Variants in EPHA7 observed in about 807,000 individuals in gnomAD.
EPHA7 encodes the protein EPH receptor A7.
In EPHA7, 25 loss-of-function variants were observed where a neutral mutation model predicts 112.6. That is an observed-to-expected ratio of 0.22 (90% CI 0.16 to 0.31). The LOEUF (loss-of-function observed/expected upper bound fraction) is 0.31. Ranked by LOEUF, EPHA7 falls within the 10% of genes least tolerant of loss-of-function variation. The pLI is 1.00. For missense variants in EPHA7, 962 were observed against 1,212.6 expected (o/e 0.79, Z 3.07); for synonymous variants, 437 against 406.5 (o/e 1.07, Z -0.90).
intron 1 of EPHA7, among the ~76,000 whole-genome samples, chr6:93,416,436 T>G (rs1779230126): frequency 6.6e-6 from 1 of 152,192 alleles, no homozygotes; most frequent in African/African-American, 2.4e-5. Context: ...GATTACTGTT[T>G]ATTGCCATTC....
intron 3 of EPHA7, among the ~76,000 whole-genome samples, chr6:93,403,844 T>G (rs1279405227): frequency 4.6e-5 from 7 of 151,946 alleles, no homozygotes; most frequent in Admixed American, 4.6e-4. Flanking sequence ...GTAACCAACA[T>G]CAGAATTTGA....
chr6:93,356,343 G>A (rs1262228305), intron 5 of EPHA7, among the ~76,000 whole-genome samples: 1 of 152,004 alleles, frequency 6.6e-6, no homozygotes, highest in African/African-American at 2.4e-5. Context: ...AAGTAACTGG[G>A]ACTACAGGTG....
In EPHA7 at chr6:93,245,253, GTACCTAATAAATCCTTAAA is replaced by G. The variant is rs527243861; in HGVS notation, c.2882+26_2882+44del. 9.0e-4 allele frequency: 1,390 copies of G among 1,543,018 alleles called. 5 individuals are homozygous for G. In the African/African-American group the frequency reaches 0.016, roughly 17 times the overall value. On this transcript the variant is annotated intron_variant, in intron 16 of 16. Transcript: ENST00000369303. ...TAACCTAATGTATAAAGTGTAGATT[GTACCTAATAAATCCTTAAA>G]TACAATTTTAAGAGTTTAAGCTTAC...
At chr6:93,320,762 T>G (rs2127883335) in intron 5 of EPHA7, among the ~76,000 whole-genome samples, 1 of 152,076 alleles carries the variant, frequency 6.6e-6, no homozygotes, top group East Asian at 1.9e-4. Flanking sequence ...TATTTAAAGC[T>G]TACACAGCTT....
chr6:93,309,203 C>T (rs1348338645), intron 5 of EPHA7, among the ~76,000 whole-genome samples: 1 of 152,202 alleles, frequency 6.6e-6, no homozygotes, highest in Non-Finnish European at 1.5e-5. Context: ...CCCGCCTTAG[C>T]CTCCCAAAGG....
chr6:93,320,412 T>C (rs1052715223), intron 5 of EPHA7, among the ~76,000 whole-genome samples: 3 of 152,076 alleles, frequency 2.0e-5, no homozygotes, highest in African/African-American at 4.8e-5. Flanking sequence ...TACATTACAA[T>C]GATAGGCAAA....
intron 5 of EPHA7, among the ~76,000 whole-genome samples, chr6:93,294,976 A>G (rs376461071): frequency 1.7e-4 from 26 of 152,120 alleles, no homozygotes; most frequent in African/African-American, 6.0e-4. Flanking sequence ...TCTAAGAAAA[A>G]TTTCCAAATC....
In EPHA7 at chr6:93,256,070, C is replaced by T. The variant is rs762838012; in HGVS notation, c.2173-33G>A. On this transcript the variant is annotated intron_variant, in intron 12 of 16. Transcript: ENST00000369303. The stretch of plus-strand genomic sequence containing the variant: ...AAGACAAAAATAAAAGCCCAGTTAA[C>T]TGCATACTTTAAAAGGGACAAAAAT... The T allele has an allele frequency of 2.5e-6, 4 of 1,595,924 alleles. No individual in the cohort carries two copies. In the South Asian group the frequency reaches 4.4e-5, roughly 18 times the overall value.
intron 5 of EPHA7, among the ~76,000 whole-genome samples, chr6:93,317,938 C>CT (rs1310449560): frequency 3.9e-5 from 6 of 152,152 alleles, no homozygotes; most frequent in African/African-American, 1.4e-4. Context: ...GTAATCATAA[C>CT]TTTCATTCTC....
In EPHA7 at chr6:93,377,118, C is replaced by G. The variant is rs148919529; in HGVS notation, c.833-18707G>C. Among the ~76,000 whole-genome samples the G allele has an allele frequency of 7.2e-3, 1,103 of 152,246 alleles. 16 individuals carry two copies. Among genetic ancestry groups the G allele is most frequent in the African/African-American group, 0.023 (964 of 41,548 alleles). ...GAAGGTGATTCTGCCCTGTAGGAAA[C>G]ATTTGCCAATATCTGCAGACACTTT... On this transcript the variant is annotated intron_variant, in intron 3 of 16. Coordinates refer to ENST00000369303, the MANE Select transcript of EPHA7 (RefSeq NM_004440.4).
In EPHA7 at chr6:93,309,238, C is replaced by T. The variant is rs183905449; in HGVS notation, c.1325-36816G>A. ...GGCTGGGATTGCAGGCGTGAGCCAC[C>T]GCACCCAGCCTCAAACATCTTTTAA... is the stretch of plus-strand genomic sequence containing the variant. On this transcript the variant is annotated intron_variant, in intron 5 of 16. Transcript: ENST00000369303. 3.8e-4 allele frequency among the ~76,000 whole-genome samples: 58 copies of T among 152,322 alleles called. 1 individual carries two copies. The highest frequency in any genetic ancestry group is 1.3e-3 in the African/African-American group (53 of 41,576).
intron 5 of EPHA7, among the ~76,000 whole-genome samples, chr6:93,349,391 C>G (rs1775573410): frequency 1.3e-5 from 2 of 151,852 alleles, no homozygotes; most frequent in Admixed American, 6.6e-5. Context: ...AAATCCTGCA[C>G]TTTCGGATAC....
intron 5 of EPHA7, among the ~76,000 whole-genome samples, chr6:93,282,634 G>C (rs1028108331): frequency 6.6e-6 from 1 of 152,158 alleles, no homozygotes; most frequent in Non-Finnish European, 1.5e-5. Context: ...TTCAGCTTGC[G>C]GGGAGGTGTG....
chr6:93,349,478 T>C (rs1028725646), intron 5 of EPHA7, among the ~76,000 whole-genome samples: 1 of 151,912 alleles, frequency 6.6e-6, no homozygotes, highest in Non-Finnish European at 1.5e-5. Flanking sequence ...ATTTATTCGA[T>C]TGATTCTCTG....
intron 5 of EPHA7, among the ~76,000 whole-genome samples, chr6:93,306,774 C>T (rs1357828684): frequency 6.6e-6 from 1 of 151,926 alleles, no homozygotes; most frequent in African/African-American, 2.4e-5. Flanking sequence ...AGACAATCAT[C>T]CCTCAGTTTT....
At chr6:93,267,038 G>T (rs1303040716) in intron 7 of EPHA7, among the ~76,000 whole-genome samples, 1 of 151,704 alleles carries the variant, frequency 6.6e-6, no homozygotes, top group South Asian at 2.1e-4. Context: ...ATGCAGTTAA[G>T]ATTTTCAGAA....
chr6:93,340,237 A>C lies in EPHA7; in HGVS notation c.1324+16480T>G, dbSNP rs984280170. Reference sequence around the variant, plus strand: ...GTGTATATGTGTATGTGCATACATAAACTTTACTACAGAATTCACAATAGT... The same window carrying C: ...GTGTATATGTGTATGTGCATACATACACTTTACTACAGAATTCACAATAGT... On this transcript the variant is annotated intron_variant, in intron 5 of 16. Transcript: ENST00000369303. Among the ~76,000 whole-genome samples the C allele has an allele frequency of 3.3e-5, 5 of 151,862 alleles. No individual in the cohort carries two copies. The East Asian group carries it at 5.8e-4, about 18-fold the overall frequency.
intron 5 of EPHA7, among the ~76,000 whole-genome samples, chr6:93,352,591 T>A (rs1450012642): frequency 6.6e-6 from 1 of 152,112 alleles, no homozygotes; most frequent in Admixed American, 6.6e-5. Context: ...AAGTGTTCTA[T>A]TGTTAGATAC....
At chr6:93,255,804 G>A in intron 13 of EPHA7, 24 bp downstream of exon 13, 1 of 1,578,696 alleles carries the variant, frequency 6.3e-7, no homozygotes. Flanking sequence ...ATATGAAGAA[G>A]TGCAGTAAAT....
Sources: allele counts gnomAD v4.1 joint callset (sites outside exome capture counted in the v4.1 genomes callset), GRCh38; gene constraint gnomAD v4.1.1; transcripts MANE v1.5; gene names NCBI Gene and HGNC (gene_info 2026-07-23, HGNC 2026-07-21).